The following SNX8 variants were observed in gnomAD, a reference collection of about 807,000 sequenced individuals.
The protein encoded by SNX8 is sorting nexin 8, also known as sorting nexin-8.
A neutral mutation model predicts 51.6 loss-of-function variants in SNX8; 25 were observed. The observed-to-expected ratio is 0.48, with a 90% CI of 0.35 to 0.68. The LOEUF is 0.68. Ranked by LOEUF, SNX8 falls within the 30% of genes least tolerant of loss-of-function variation. The pLI, the probability that SNX8 is intolerant of heterozygous loss-of-function variation, is 0.00. For synonymous variants in SNX8, 324 were observed against 277.0 expected (o/e 1.17, Z -1.68); for missense variants, 695 against 624.0 (o/e 1.11, Z -1.21).
intron 1 of SNX8, among the ~76,000 whole-genome samples, chr7:2,287,620 G>A (rs1053475078): frequency 2.6e-5 from 4 of 151,832 alleles, no homozygotes; most frequent in Non-Finnish European, 2.9e-5. Flanking sequence ...ACATGCTGGC[G>A]GGCACCTATA....
intron 1 of SNX8, among the ~76,000 whole-genome samples, chr7:2,286,596 C>A (rs1173258903): frequency 6.6e-6 from 1 of 151,312 alleles, no homozygotes; most frequent in African/African-American, 2.4e-5. Context: ...CGGCTCACTG[C>A]AACCTCCACC....
rs1795228762 is a variant in SNX8 at position 2,257,807 on chromosome 7, G to A, written c.916-4C>T. The stretch of plus-strand genomic sequence containing the variant: ...CGTCGTTCTCTTCCTGCTTACCCTG[G>A]AAGGCGAGGGGGAGCTCACCCACGC... On this transcript the variant is annotated splice_region_variant and splice_polypyrimidine_tract_variant and intron_variant, in intron 7 of 10. Coordinates refer to ENST00000222990, the MANE Select transcript of SNX8 (RefSeq NM_013321.4). The A allele has an allele frequency of 6.2e-7, 1 of 1,613,712 alleles. No homozygotes were observed. The highest frequency in any genetic ancestry group is 8.5e-7 in the Non-Finnish European group (1 of 1,179,938).
intron 1 of SNX8, among the ~76,000 whole-genome samples, chr7:2,349,445 A>G (rs868730778): frequency 4.0e-5 from 6 of 149,664 alleles, no homozygotes; most frequent in African/African-American, 1.5e-4. Flanking sequence ...TTTTAATTTA[A>G]CTTTTTTTTT....
At chr7:2,332,470 G>C (rs1415312730) in intron 1 of SNX8, among the ~76,000 whole-genome samples, 2 of 152,002 alleles carry the variant, frequency 1.3e-5, no homozygotes, top group Non-Finnish European at 2.9e-5. Flanking sequence ...CAATCTTAGA[G>C]AAGGCTGGGT....
chr7:2,312,782 C>G (rs1664115239), intron 1 of SNX8, among the ~76,000 whole-genome samples: 1 of 152,034 alleles, frequency 6.6e-6, no homozygotes, highest in Admixed American at 6.6e-5. Flanking sequence ...GAAACCGTAA[C>G]TCACACCAAC....
At position 2,252,816 on chromosome 7, in the gene SNX8, CCTCCTATTCCCCATCACCCCTACT is replaced by C. The variant is rs1232921812; in HGVS notation, c.*2216_*2239del. On this transcript the variant is annotated 3_prime_UTR_variant, in exon 11 of 11. Coordinates refer to ENST00000222990, the MANE Select transcript of SNX8 (RefSeq NM_013321.4). The stretch of plus-strand genomic sequence containing the variant: ...TCTCCTGCTCCCTCCTCACCCCTGC[CCTCCTATTCCCCATCACCCCTACT>C]CTCCTGCTCTCCTCACCCCTGCTCT... 1 of 138,356 alleles carries C rather than the reference CCTCCTATTCCCCATCACCCCTACT, an allele frequency of 7.2e-6. No homozygotes were observed. The highest frequency in any genetic ancestry group is 1.5e-5 in the Non-Finnish European group (1 of 65,530). 8.6% of individuals were successfully genotyped at this position (138,356 alleles called of 1,614,324 possible).
At chr7:2,273,214 TGAG>T (rs1428290324) in intron 3 of SNX8, among the ~76,000 whole-genome samples, 2 of 151,930 alleles carry the variant, frequency 1.3e-5, no homozygotes, top group African/African-American at 2.4e-5. Context: ...CTTGGGAGGC[TGAG>T]GAGGGCAGAT....
chr7:2,282,892 C>T (rs987857559), intron 1 of SNX8, among the ~76,000 whole-genome samples: 8 of 152,122 alleles, frequency 5.3e-5, no homozygotes, highest in Non-Finnish European at 1.0e-4. Flanking sequence ...CAGGCCGAGG[C>T]GGGTGGATCA....
At chr7:2,298,083 C>G (rs1445198212) in intron 1 of SNX8, among the ~76,000 whole-genome samples, 1 of 151,956 alleles carries the variant, frequency 6.6e-6, no homozygotes, top group Non-Finnish European at 1.5e-5. Context: ...GTTAAAGCAC[C>G]TAGCATGGTG....
Position 2,314,394 on chromosome 7 carries a change from G to T in SNX8, c.28C>A (p.Pro10Thr). MTGRAMDPL[P>T]AAAVGAAAEA... ...GCTGCCGCCCCGACTGCAGCCGCGG[G>T]CAGCGGGTCCATCGCGCGGCCAGTC... Residue 10 changes from proline to threonine, a missense_variant, in exon 1 of 11, where the codon CCC becomes ACC. Physicochemically the swap from Pro to Thr is conservative, Grantham distance 38. Coordinates refer to ENST00000222990, the MANE Select transcript of SNX8 (RefSeq NM_013321.4). 4 of 1,220,650 alleles carry T rather than the reference G, an allele frequency of 3.3e-6. No individual in the cohort carries two copies. The highest frequency in any genetic ancestry group is 1.6e-5 in the African/African-American group (1 of 63,980). The allele number at this position is 1,220,650 out of a possible 1,614,324, so 75.6% of individuals were successfully genotyped here. A position where few individuals can be genotyped will look rare whatever the true frequency, so the allele number is the denominator to read the frequency against.
chr7:2,273,672 G>A (rs1562431390), intron 3 of SNX8, among the ~76,000 whole-genome samples: 1 of 151,844 alleles, frequency 6.6e-6, no homozygotes, highest in Non-Finnish European at 1.5e-5. Context: ...GGGAGGCTGA[G>A]GTGCGCGGAT....
At chr7:2,276,178 G>A (rs1032144633) in intron 2 of SNX8, among the ~76,000 whole-genome samples, 4 of 152,248 alleles carry the variant, frequency 2.6e-5, no homozygotes, top group African/African-American at 7.2e-5. Flanking sequence ...AAGGCCAGCC[G>A]CTGGCTCCCT....
At chr7:2,285,470 T>C (rs1796006813) in intron 1 of SNX8, among the ~76,000 whole-genome samples, 1 of 152,168 alleles carries the variant, frequency 6.6e-6, no homozygotes, top group Non-Finnish European at 1.5e-5. Flanking sequence ...AGAAGTTTCC[T>C]GATCCATATT....
At chr7:2,295,419 A>G (rs1379391045) in intron 1 of SNX8, among the ~76,000 whole-genome samples, 2 of 148,280 alleles carry the variant, frequency 1.3e-5, no homozygotes, top group Admixed American at 1.4e-4. Flanking sequence ...AAAAAAAAAA[A>G]AGAGGCCAGG....
At chr7:2,262,348 C>CT (rs1464525991) in intron 7 of SNX8, among the ~76,000 whole-genome samples, 12 of 152,164 alleles carry the variant, frequency 7.9e-5, no homozygotes, top group South Asian at 2.1e-4. Flanking sequence ...CCATGTAACA[C>CT]TTTTTCTTAA....
chr7:2,257,635 T>C, intron 8 of SNX8, 100 bp downstream of exon 8: 2 of 1,563,536 alleles, frequency 1.3e-6, no homozygotes, highest in Non-Finnish European at 1.8e-6. Flanking sequence ...CAGCCCTGGC[T>C]TCTCAGCTCC....
intron 1 of SNX8, among the ~76,000 whole-genome samples, chr7:2,296,150 G>A (rs1035050873): frequency 2.0e-5 from 3 of 152,154 alleles, no homozygotes; most frequent in African/African-American, 7.2e-5. Context: ...CACTGACTCT[G>A]TAGATTGCTT....
At chr7:2,294,429 C>G (rs1394802199) in intron 1 of SNX8, among the ~76,000 whole-genome samples, 1 of 152,174 alleles carries the variant, frequency 6.6e-6, no homozygotes, top group Non-Finnish European at 1.5e-5. Flanking sequence ...GTCTGGAAGT[C>G]TACCGGACAC....
chr7:2,252,147 C>CG lies in SNX8; in HGVS notation c.*2908_*2909insC, dbSNP rs1795048560. ...CCACAGCCCCGCCAGCCCACAACCC[C>CG]CCTCCCACGGCCCCGCCAGCCGTCC... On this transcript the variant is annotated 3_prime_UTR_variant, in exon 11 of 11. Transcript: ENST00000222990. The CG allele has an allele frequency of 1.5e-5, 1 of 66,804 alleles. No individual in the cohort carries two copies. 4.1% of individuals were successfully genotyped at this position (66,804 alleles called of 1,614,324 possible). A position where few individuals can be genotyped will look rare whatever the true frequency, so the allele number is the denominator to read the frequency against.
Sources: allele counts gnomAD v4.1 joint callset (sites outside exome capture counted in the v4.1 genomes callset), GRCh38; gene constraint gnomAD v4.1.1; transcripts MANE v1.5; gene names NCBI Gene and HGNC (gene_info 2026-07-23, HGNC 2026-07-21).